The following FBH1 variants were observed in gnomAD, a reference collection of about 807,000 sequenced individuals.
The protein encoded by FBH1 is F-box DNA helicase 1.
A neutral mutation model predicts 115.5 loss-of-function variants in FBH1; 43 were observed. The observed-to-expected ratio is 0.37, with a 90% confidence interval of 0.29 to 0.48. The LOEUF is 0.48. Among genes scored for constraint, FBH1 ranks in the 20% least tolerant of loss-of-function variants. The pLI, the probability that FBH1 is intolerant of heterozygous loss-of-function variation, is 0.99. For synonymous variants in FBH1, 524 were observed against 507.8 expected, an observed-to-expected ratio of 1.03 and a Z score of -0.43; for missense variants, 1,001 against 1,337.3, an observed-to-expected ratio of 0.75 and a Z score of 3.92.
Position 5,936,968 on chromosome 10 carries a change from T to A in FBH1, c.2962-142T>A. 1 of 935,352 alleles carries A rather than the reference T, an allele frequency of 1.1e-6. No homozygotes were observed. Among genetic ancestry groups the A allele is most frequent in the Non-Finnish European group, 1.6e-6 (1 of 636,508 alleles). The allele number at this position is 935,352 out of a possible 1,614,324, so 57.9% of individuals were successfully genotyped here. A position where few individuals can be genotyped will look rare whatever the true frequency, so the allele number is the denominator to read the frequency against. ...GGTGGTGCTGTGGGAGGTGTTACTCTGAGGATGTGCACCCCTCTGAAAACA... is the reference window on the plus strand; with the variant it reads ...GGTGGTGCTGTGGGAGGTGTTACTCAGAGGATGTGCACCCCTCTGAAAACA... On this transcript the variant is annotated intron_variant, in intron 20 of 20. Coordinates refer to ENST00000362091, the MANE Select transcript of FBH1 (RefSeq NM_178150.3). This position sits in a 1 kb window ranked among gnomAD's most constrained non-coding sequence, Gnocchi z 5.6.
rs768409600 is a variant in FBH1, at chr10:5,936,022, A to G, written c.2830-434A>G. On this transcript the variant is annotated intron_variant, in intron 19 of 20. Transcript: ENST00000362091. The surrounding 1 kb of genome is among the most constrained non-coding windows in gnomAD (Gnocchi z 5.6). ...TTAGCGAGGCTGTCATTTGCTCACT[A>G]GCACAGCCAGCAGCACGGGACGGTG... 5.7e-5 allele frequency: 9 copies of G among 158,674 alleles called. No individual in the cohort carries two copies. The South Asian group carries it at 8.9e-4, about 16-fold the overall frequency. 9.8% of individuals were successfully genotyped at this position (158,674 alleles called of 1,614,324 possible). A position where few individuals can be genotyped will look rare whatever the true frequency, so the allele number is the denominator to read the frequency against.
At position 5,910,763 on chromosome 10, in the gene FBH1, G is replaced by A. The variant is rs186462989; in HGVS notation, c.1021-175G>A. On this transcript the variant is annotated intron_variant, in intron 5 of 20. Transcript: ENST00000362091. This position sits in a 1 kb window ranked among gnomAD's most constrained non-coding sequence, Gnocchi z 4.8. ...AAAGTGATGAGAAGGAGTCCAGGGC[G>A]AACAGAAGGGCTCCCCTGTTTCCCA... is the stretch of plus-strand genomic sequence containing the variant. 7.9e-5 allele frequency among the ~76,000 whole-genome samples: 12 copies of A among 152,314 alleles called. No individual in the cohort carries two copies. The highest frequency in any genetic ancestry group is 1.7e-4 in the African/African-American group (7 of 41,556).
intron 1 of FBH1, chr10:5,891,072 A>G: frequency 1.3e-6 from 1 of 799,700 alleles, no homozygotes; most frequent in Non-Finnish European, 1.5e-6. Context: ...ACAGGTGGGG[A>G]AGTGGAGGCC....
chr10:5,927,371 C>T (rs1832716979), intron 18 of FBH1, 64 bp from the exon 19 acceptor site: 2 of 1,207,896 alleles, frequency 1.7e-6, no homozygotes, highest in Non-Finnish European at 2.4e-6. Flanking sequence ...TTAGATGAGA[C>T]ATAAGGTTTT....
intron 1 of FBH1, among the ~76,000 whole-genome samples, chr10:5,896,639 T>C (rs1001715531): frequency 6.6e-6 from 1 of 152,074 alleles, no homozygotes; most frequent in Non-Finnish European, 1.5e-5. Flanking sequence ...CCGAATTTGG[T>C]GTGTAGGAGA....
Position 5,932,023 on chromosome 10 carries a change from T to TAA in FBH1, c.2830-4433_2830-4432insAA, listed in dbSNP as rs1832998587. ...TTAGCTAGTCATGGTGGTGCATACC[T>TAA]GTAGCCCCAGCTACTTAGGAGGCTG... is the stretch of plus-strand genomic sequence containing the variant. On this transcript the variant is annotated intron_variant, in intron 19 of 20. Coordinates refer to ENST00000362091, the MANE Select transcript of FBH1 (RefSeq NM_178150.3). The surrounding 1 kb of genome is among the most constrained non-coding windows in gnomAD (Gnocchi z 5.9). 1.3e-5 allele frequency among the ~76,000 whole-genome samples: 2 copies of TAA among 152,208 alleles called. No individual in the cohort carries two copies. Among genetic ancestry groups the TAA allele is most frequent in the Admixed American group, 6.5e-5 (1 of 15,284 alleles).
rs1376265738 is a variant in FBH1 at position 5,890,377 on chromosome 10, G to T, written c.1+31G>T. The T allele has an allele frequency of 2.1e-5, 8 of 373,006 alleles. No homozygotes were observed. The South Asian group carries it at 6.6e-4, about 31-fold the overall frequency. 23.1% of individuals were successfully genotyped at this position (373,006 alleles called of 1,614,324 possible). ...TGAGGCCGCAGACGTGGCAGGGAGTGTGGGAGGGGCTCCGCCGTGTGGAAA... is the reference window on the plus strand; with the variant it reads ...TGAGGCCGCAGACGTGGCAGGGAGTTTGGGAGGGGCTCCGCCGTGTGGAAA... On this transcript the variant is annotated intron_variant, in intron 1 of 20. Transcript: ENST00000362091.
chr10:5,902,213 C>A (rs895845095), intron 1 of FBH1, among the ~76,000 whole-genome samples: 6 of 152,018 alleles, frequency 3.9e-5, no homozygotes, highest in African/African-American at 1.5e-4. Context: ...GGGGCTGAGA[C>A]ATGTGTGCCC....
rs931983439 is a variant in FBH1, at chr10:5,925,232, C to T, written c.2597-135C>T. 52 of 1,028,410 alleles carry T rather than the reference C, an allele frequency of 5.1e-5. No individual in the cohort carries two copies. The highest frequency in any genetic ancestry group is 7.0e-5 in the Non-Finnish European group (50 of 710,050). 63.7% of individuals were successfully genotyped at this position (1,028,410 alleles called of 1,614,324 possible). ...TGTTCCCGACAGTTGTTTCCTCTTTCCCCCTTTTCCTACAAAACTGCACTG... is the reference window on the plus strand; with the variant it reads ...TGTTCCCGACAGTTGTTTCCTCTTTTCCCCTTTTCCTACAAAACTGCACTG... On this transcript the variant is annotated intron_variant, in intron 17 of 20. Coordinates refer to ENST00000362091, the MANE Select transcript of FBH1 (RefSeq NM_178150.3). The surrounding 1 kb of genome is among the most constrained non-coding windows in gnomAD (Gnocchi z 4.6).
chr10:5,914,352 A>G lies in FBH1; in HGVS notation c.1396+83A>G, dbSNP rs1831793990. 1.8e-6 allele frequency: 2 copies of G among 1,126,220 alleles called. No individual in the cohort carries two copies. Among genetic ancestry groups the G allele is most frequent in the African/African-American group, 3.1e-5 (2 of 65,154 alleles). The allele number at this position is 1,126,220 out of a possible 1,614,324, so 69.8% of individuals were successfully genotyped here. On this transcript the variant is annotated intron_variant, in intron 8 of 20. Coordinates refer to ENST00000362091, the MANE Select transcript of FBH1 (RefSeq NM_178150.3). The surrounding 1 kb of genome is among the most constrained non-coding windows in gnomAD (Gnocchi z 5.2). ...TCCCCTTCCCGCTACCTGCCAGGGC[A>G]TCTTTGCTCTGATCTGTCATCCAAC...
intron 1 of FBH1, among the ~76,000 whole-genome samples, chr10:5,896,638 G>T (rs868645444): frequency 6.6e-6 from 1 of 152,256 alleles, no homozygotes; most frequent in African/African-American, 2.4e-5. Flanking sequence ...GCCGAATTTG[G>T]TGTGTAGGAG....
At chr10:5,912,166 C>T (rs1208856025) in intron 6 of FBH1, among the ~76,000 whole-genome samples, 2 of 152,082 alleles carry the variant, frequency 1.3e-5, no homozygotes, top group South Asian at 2.1e-4. Context: ...TGGAGACCAG[C>T]CTGGCCAACA....
chr10:5,914,388 A>G lies in FBH1; in HGVS notation c.1396+119A>G, dbSNP rs965664870. The G allele has an allele frequency of 2.7e-5, 22 of 809,900 alleles. No homozygotes were observed. Among genetic ancestry groups the G allele is most frequent in the Non-Finnish European group, 4.3e-5 (21 of 486,186 alleles). 50.2% of individuals were successfully genotyped at this position (809,900 alleles called of 1,614,324 possible). On this transcript the variant is annotated intron_variant, in intron 8 of 20. Coordinates refer to ENST00000362091, the MANE Select transcript of FBH1 (RefSeq NM_178150.3). This position sits in a 1 kb window ranked among gnomAD's most constrained non-coding sequence, Gnocchi z 5.2. ...GATCTGTCATCCAACTAATAATTCA[A>G]TAACAGATCAAATAATCAATCTCAA...
At chr10:5,901,269 T>G (rs141762493) in intron 1 of FBH1, among the ~76,000 whole-genome samples, 2,071 of 152,178 alleles carry the variant, frequency 0.014, 31 homozygotes, top group African/African-American at 0.04. Flanking sequence ...GCCTCCCACG[T>G]TCAAGCGATA....
rs1337926609 is a variant in FBH1 at position 5,900,064 on chromosome 10, A to G, written c.2-2956A>G. On this transcript the variant is annotated intron_variant, in intron 1 of 20. Transcript: ENST00000362091. This position sits in a 1 kb window ranked among gnomAD's most constrained non-coding sequence, Gnocchi z 4.2. ...TGCTTTTCTGTTCATAATAAGCGAG[A>G]CATGTTACTGGTTAGTTTAGAAGGT... Among the ~76,000 whole-genome samples, 5 of 152,194 alleles carry G rather than the reference A, an allele frequency of 3.3e-5. No individual in the cohort carries two copies. The highest frequency in any genetic ancestry group is 1.2e-4 in the African/African-American group (5 of 41,436).
Position 5,911,888 on chromosome 10 carries a change from G to GC in FBH1, c.1211+760_1211+761insC, listed in dbSNP as rs918076175. 2.8e-4 allele frequency among the ~76,000 whole-genome samples: 43 copies of GC among 152,132 alleles called. No homozygotes were observed. The highest frequency in any genetic ancestry group is 9.9e-4 in the African/African-American group (41 of 41,396). Reference sequence around the variant, plus strand: ...ACCTGAGTGTGGAGGAGGAACCGCCGTTTCACAACTGTGGGGAGAGCAGTT... The same window carrying GC: ...ACCTGAGTGTGGAGGAGGAACCGCCGCTTTCACAACTGTGGGGAGAGCAGTT... On this transcript the variant is annotated intron_variant, in intron 6 of 20. Coordinates refer to ENST00000362091, the MANE Select transcript of FBH1 (RefSeq NM_178150.3). This position sits in a 1 kb window ranked among gnomAD's most constrained non-coding sequence, Gnocchi z 5.4.
chr10:5,934,185 C>T (rs2132140922), intron 19 of FBH1: 1 of 152,296 alleles, frequency 6.6e-6, no homozygotes, highest in Middle Eastern at 3.4e-3. Context: ...CGATAAGCCC[C>T]TTTATCTCCC....
Position 5,937,456 on chromosome 10 carries a change from A to AGTCTCCACTTG in FBH1, c.*177_*187dup. On this transcript the variant is annotated 3_prime_UTR_variant, in exon 21 of 21. Transcript: ENST00000362091. ...ATTTCTCCACTCCCTACAGACAGCC[A>AGTCTCCACTTG]GTCTCCACTTGCCTCCCCTCTGGAT... The AGTCTCCACTTG allele has an allele frequency of 1.9e-6, 1 of 537,834 alleles. No homozygotes were observed. Among genetic ancestry groups the AGTCTCCACTTG allele is most frequent in the Non-Finnish European group, 3.0e-6 (1 of 337,582 alleles). The allele number at this position is 537,834 out of a possible 1,614,324, so 33.3% of individuals were successfully genotyped here. A position where few individuals can be genotyped will look rare whatever the true frequency, so the allele number is the denominator to read the frequency against.
At position 5,915,906 on chromosome 10, in the gene FBH1, C is replaced by T. The variant is rs565947540; in HGVS notation, c.1566-328C>T. ...TGGAAGGGAGTGAGGAAGACTCAGC[C>T]GAGGCACACTTGACCCAGGTCTCCT... On this transcript the variant is annotated intron_variant, in intron 9 of 20. Coordinates refer to ENST00000362091, the MANE Select transcript of FBH1 (RefSeq NM_178150.3). The surrounding 1 kb of genome is among the most constrained non-coding windows in gnomAD (Gnocchi z 5.2). 2.5e-4 allele frequency: 117 copies of T among 460,958 alleles called. No homozygotes were observed. Among genetic ancestry groups the T allele is most frequent in the Non-Finnish European group, 3.9e-4 (101 of 255,978 alleles). 28.6% of individuals were successfully genotyped at this position (460,958 alleles called of 1,614,324 possible).
Sources: gnomAD v4.1 joint callset for allele counts (sites outside exome capture counted in the v4.1 genomes callset) on GRCh38, gnomAD v4.1.1 for gene constraint, Gnocchi (gnomAD v3.1) non-coding constraint, MANE v1.5 for transcripts, NCBI Gene and HGNC (gene_info 2026-07-23, HGNC 2026-07-21) for gene names.